Variants in PEG3 observed in about 807,000 individuals in gnomAD.
The protein encoded by PEG3 is paternally-expressed gene 3 protein.
A neutral mutation model predicts 35.5 loss-of-function variants in PEG3; 23 were observed. The ratio of observed to expected loss-of-function variants is 0.65; its 90% CI spans 0.47 to 0.92. The LOEUF (loss-of-function observed/expected upper bound fraction) is 0.92, where lower values mean the gene tolerates loss of function less well. PEG3 is among the 40% of genes least tolerant of loss of function. PEG3 has a pLI of 0.00. For missense variants in PEG3, 1,960 were observed against 1,985.3 expected, an observed-to-expected ratio of 0.99 and a Z score of 0.24; for synonymous variants, 707 against 697.0, an observed-to-expected ratio of 1.01 and a Z score of -0.23.
intron 3 of PEG3, chr19:56,825,066 C>T (rs1444412527): frequency 1.2e-5 from 2 of 166,756 alleles, no homozygotes; most frequent in Non-Finnish European, 2.6e-5. Flanking sequence ...AATTGTGAAG[C>T]TTAAATAAAC....
Position 56,814,971 on chromosome 19 carries a change from G to A in PEG3, c.3471C>T (p.Tyr1157=), listed in dbSNP as rs756499966. ...THSISEYQRD[Y]TGEQLYECPK... ...GACATTCATACAGCTGCTCTCCAGTGTAATCTCTCTGATACTCGCTGATGG... is the reference window on the plus strand; with the variant it reads ...GACATTCATACAGCTGCTCTCCAGTATAATCTCTCTGATACTCGCTGATGG... The change falls in exon 10 of 10, where the codon TAC becomes TAT. Residue 1157 remains tyrosine (Y), a synonymous_variant. Transcript: ENST00000326441. The surrounding 1 kb of genome is among the most constrained non-coding windows in gnomAD (Gnocchi z 5.8). 1 of 1,614,160 alleles carries A rather than the reference G, an allele frequency of 6.2e-7. No individual in the cohort carries two copies. The highest frequency in any genetic ancestry group is 8.5e-7 in the Non-Finnish European group (1 of 1,180,016).
chr19:56,840,121 C>T (rs1363468847), intron 1 of PEG3, among the ~76,000 whole-genome samples: 1 of 152,220 alleles, frequency 6.6e-6, no homozygotes, highest in Non-Finnish European at 1.5e-5. Flanking sequence ...AGACCCAGCC[C>T]AGGAGGCCCA....
intron 1 of PEG3, among the ~76,000 whole-genome samples, chr19:56,837,147 G>A (rs2062232932): frequency 6.6e-6 from 1 of 152,102 alleles, no homozygotes; most frequent in Non-Finnish European, 1.5e-5. Context: ...AGGGCTGGGA[G>A]GGCCACACCC....
Position 56,813,961 on chromosome 19 carries a change from T to TCA in PEG3, c.4479_4480dup (p.Glu1494ValfsTer8). On this transcript the variant is annotated frameshift_variant, in exon 10 of 10. Coordinates refer to ENST00000326441, the MANE Select transcript of PEG3 (RefSeq NM_006210.3). LOFTEE classifies it low-confidence loss of function (END_TRUNC). ...TTCTTCTACCTGAATCTCTTGATCT[T>TCA]CACCTTCTTCTGGGTCTTCAATTCC... 6.2e-7 allele frequency: 1 copy of TCA among 1,614,140 alleles called. No individual in the cohort carries two copies.
At chr19:56,823,822 T>A in intron 4 of PEG3, 143 bp from the exon 5 acceptor site, 1 of 991,762 alleles carries the variant, frequency 1.0e-6, no homozygotes, top group Non-Finnish European at 1.5e-6. Flanking sequence ...TCAAAACCCT[T>A]CAGCGGCTTC....
chr19:56,829,130 T>C lies in PEG3; in HGVS notation c.-162-2667A>G, dbSNP rs554759924. ...CTTTGGGAGGCCGAGGCGGGTAGAT[T>C]ACCTGAGGTCAGGAGTTCGAGACCA... On this transcript the variant is annotated intron_variant, in intron 2 of 9. Coordinates refer to ENST00000326441, the MANE Select transcript of PEG3 (RefSeq NM_006210.3). Among the ~76,000 whole-genome samples, 42 of 152,088 alleles carry C rather than the reference T, an allele frequency of 2.8e-4. No homozygotes were observed. The East Asian group carries it at 6.2e-3, about 22-fold the overall frequency.
rs751404917 is a variant in PEG3, at chr19:56,813,894, G to C, written c.4548C>G (p.Ser1516=). Residue 1516 remains serine, a synonymous_variant, in exon 10 of 10, where the codon TCC becomes TCG. Coordinates refer to ENST00000326441, the MANE Select transcript of PEG3 (RefSeq NM_006210.3). ...DCHECTETFT[S]STAFSEHLKT... ...TCAGGTGTTCACTGAATGCTGTGCT[G>C]GAAGTGAAGGTTTCTGTGCATTCAT... is the stretch of plus-strand genomic sequence containing the variant. 4 of 1,614,138 alleles carry C rather than the reference G, an allele frequency of 2.5e-6. No individual in the cohort carries two copies. In the South Asian group the frequency reaches 4.4e-5, roughly 18 times the overall value.
Position 56,816,102 on chromosome 19 carries a change from A to G in PEG3, c.2340T>C (p.His780=), listed in dbSNP as rs772884732. Residue 780 remains histidine (H), a synonymous_variant, in exon 10 of 10, where the codon CAT becomes CAC. Transcript: ENST00000326441. The part of the protein sequence containing the change: ...EAKSYERSVI[H]SLASVEAQKS... Reference sequence around the variant, plus strand: ...TCTGAGCTTCCACAGAGGCTAAGCTATGAATAACAGACCTCTCATATGATT... The same window carrying G: ...TCTGAGCTTCCACAGAGGCTAAGCTGTGAATAACAGACCTCTCATATGATT... The G allele has an allele frequency of 3.7e-6, 6 of 1,611,108 alleles. No individual in the cohort carries two copies. The African/African-American group carries it at 5.3e-5, about 14-fold the overall frequency.
At position 56,813,269 on chromosome 19, in the gene PEG3, A is replaced by T; in HGVS notation, c.*406T>A. ...GCAGAGTAAACTGTAACTGTATATC[A>T]TATAAATCCAAATATATGTGATCAC... On this transcript the variant is annotated 3_prime_UTR_variant, in exon 10 of 10. Coordinates refer to ENST00000326441, the MANE Select transcript of PEG3 (RefSeq NM_006210.3). 1 of 957,712 alleles carries T rather than the reference A, an allele frequency of 1.0e-6. No individual in the cohort carries two copies. Among genetic ancestry groups the T allele is most frequent in the Non-Finnish European group, 1.2e-6 (1 of 801,622 alleles). The allele number at this position is 957,712 out of a possible 1,614,324, so 59.3% of individuals were successfully genotyped here.
At chr19:56,833,200 C>T (rs1336236805) in intron 2 of PEG3, 1 of 515,072 alleles carries the variant, frequency 1.9e-6, no homozygotes, top group Admixed American at 2.0e-5. Flanking sequence ...AGAAAATCCA[C>T]CGAGTCTCCT....
rs772720123 is a variant in PEG3 at position 56,817,214 on chromosome 19, A to G, written c.1228T>C (p.Cys410Arg). ...CATTCAAAGGGCTTCTTCCTGGGAC[A>G]GCCTTTTTGATCGTGAATCGAGCCC... ...GKGSIHDQKG[C>R]PRKKPFECGS... Residue 410 changes from cysteine (C) to arginine (R), a missense_variant, in exon 10 of 10, where the codon TGT becomes CGT. By Grantham distance (180) the Cys-to-Arg change is radical. Transcript: ENST00000326441. 1.2e-6 allele frequency: 2 copies of G among 1,614,192 alleles called. No homozygotes were observed. The highest frequency in any genetic ancestry group is 1.6e-4 in the Middle Eastern group (1 of 6,062).
intron 7 of PEG3, among the ~76,000 whole-genome samples, chr19:56,818,909 C>T (rs193059624): frequency 4.6e-5 from 7 of 152,304 alleles, no homozygotes; most frequent in East Asian, 1.9e-4. Context: ...ATCCCAAAGA[C>T]GCATGACACA....
intron 9 of PEG3, 64 bp downstream of exon 9, chr19:56,817,682 A>C (rs1030074501): frequency 6.4e-7 from 1 of 1,551,152 alleles, no homozygotes; most frequent in Non-Finnish European, 8.9e-7. Flanking sequence ...TGCAAAGTGT[A>C]GAAGTTCCTT....
intron 5 of PEG3, 90 bp downstream of exon 5, chr19:56,823,503 T>G: frequency 4.6e-6 from 7 of 1,523,008 alleles, no homozygotes; most frequent in Non-Finnish European, 6.4e-6. Context: ...GCGGGTCATC[T>G]TCATGGAGGC....
chr19:56,839,918 C>A (rs558557469), intron 1 of PEG3, among the ~76,000 whole-genome samples: 1 of 152,406 alleles, frequency 6.6e-6, no homozygotes, highest in South Asian at 2.1e-4. Context: ...AGCTCCTGCG[C>A]AGCAAGCCTC....
chr19:56,838,594 G>C (rs551711932), intron 1 of PEG3, among the ~76,000 whole-genome samples: 1 of 152,330 alleles, frequency 6.6e-6, no homozygotes, highest in Admixed American at 6.5e-5. Context: ...AACAGGGGAA[G>C]GGGTGAGCCT....
chr19:56,827,535 T>C (rs1325883706), intron 2 of PEG3, among the ~76,000 whole-genome samples: 1 of 152,208 alleles, frequency 6.6e-6, no homozygotes, highest in African/African-American at 2.4e-5. Context: ...TATGTTTGTA[T>C]GCACGGGAAG....
chr19:56,838,978 C>A (rs904937766), intron 1 of PEG3, among the ~76,000 whole-genome samples: 2 of 152,186 alleles, frequency 1.3e-5, no homozygotes, highest in Non-Finnish European at 2.9e-5. Flanking sequence ...TCAGCCTTGC[C>A]CCGCCGCATC....
In PEG3 at chr19:56,815,647, T is replaced by A; in HGVS notation, c.2795A>T (p.Tyr932Phe). 6.2e-7 allele frequency: 1 copy of A among 1,614,160 alleles called. No individual in the cohort carries two copies. The highest frequency in any genetic ancestry group is 8.5e-7 in the Non-Finnish European group (1 of 1,180,004). The part of the protein sequence containing the change: ...FSVPSSNVRE[Y>F]QKARAKKKYI... The stretch of plus-strand genomic sequence containing the variant: ...TTTCTTTTTAGCACGAGCCTTCTGG[T>A]ATTCACGGACATTTGAGCTGGGAAC... Residue 932 changes from tyrosine to phenylalanine, a missense_variant, in exon 10 of 10, where the codon TAC (tyrosine) becomes TTC (phenylalanine). Coordinates refer to ENST00000326441, the MANE Select transcript of PEG3 (RefSeq NM_006210.3).
Sources: gnomAD v4.1 joint callset for allele counts (sites outside exome capture counted in the v4.1 genomes callset) on GRCh38, gnomAD v4.1.1 for gene constraint, Gnocchi (gnomAD v3.1) non-coding constraint, MANE v1.5 for transcripts, NCBI Gene and HGNC (gene_info 2026-07-23, HGNC 2026-07-21) for gene names.